The following COL5A3 variants were observed in gnomAD, a reference collection of about 807,000 sequenced individuals.
COL5A3 encodes the protein collagen type V alpha 3 chain.
Under a neutral mutation model 250.0 loss-of-function variants are expected in COL5A3, and 172 were observed. That is an observed-to-expected ratio of 0.69 (90% CI 0.61 to 0.78). The LOEUF (loss-of-function observed/expected upper bound fraction) is 0.78. Among genes scored for constraint, COL5A3 ranks in the 30% least tolerant of loss-of-function variants. The probability of loss-of-function intolerance (pLI) is 0.00; values close to 1 mark genes in which losing one functional copy is unlikely to be tolerated. For synonymous variants in COL5A3, 937 were observed against 900.4 expected (o/e 1.04, Z -0.73); for missense variants, 2,340 against 2,334.4 (o/e 1.00, Z -0.05).
chr19:9,998,188 T>A (rs73007110), intron 8 of COL5A3, 39 bp from the exon 9 acceptor site: 119,109 of 1,582,712 alleles, frequency 0.075, 6,581 homozygotes, highest in African/African-American at 0.28. Flanking sequence ...AAAAGAGATG[T>A]GAACTTGGAC....
At chr19:9,961,833 C>T (rs1360509008) in intron 65 of COL5A3, among the ~76,000 whole-genome samples, 1 of 152,118 alleles carries the variant, frequency 6.6e-6, no homozygotes, top group Non-Finnish European at 1.5e-5. Context: ...GCTGGGATTA[C>T]AGGCGTGAGC....
intron 6 of COL5A3, among the ~76,000 whole-genome samples, chr19:10,002,916 G>T (rs2087385674): frequency 6.6e-6 from 1 of 151,802 alleles, no homozygotes; most frequent in Non-Finnish European, 1.5e-5. Flanking sequence ...TCCAGTCAGT[G>T]ACCACCCACC....
chr19:10,006,035 C>A (rs1599232321), intron 2 of COL5A3, 38 bp downstream of exon 2: 1 of 1,610,976 alleles, frequency 6.2e-7, no homozygotes, highest in South Asian at 1.1e-5. Flanking sequence ...GCAGTGCCTC[C>A]CTCCGGGGAG....
At chr19:9,982,237 T>G in intron 31 of COL5A3, 119 bp from the exon 32 acceptor site, 1 of 662,054 alleles carries the variant, frequency 1.5e-6, no homozygotes, top group Non-Finnish European at 2.6e-6. Flanking sequence ...GCTTCCTTGG[T>G]CTCTACAGCC....
At chr19:9,994,888 C>A (rs138294203) in intron 16 of COL5A3, among the ~76,000 whole-genome samples, 108 of 151,826 alleles carry the variant, frequency 7.1e-4, no homozygotes, top group African/African-American at 2.5e-3. Context: ...GTATTATAAT[C>A]TCATGGGACC....
chr19:9,980,434 T>C (rs566955224), intron 35 of COL5A3, among the ~76,000 whole-genome samples: 1 of 152,210 alleles, frequency 6.6e-6, no homozygotes, highest in East Asian at 1.9e-4. Context: ...TGTGATTAGC[T>C]CACTTCAGCT....
intron 31 of COL5A3, among the ~76,000 whole-genome samples, chr19:9,983,124 G>C (rs976060539): frequency 6.6e-6 from 1 of 152,010 alleles, no homozygotes; most frequent in Non-Finnish European, 1.5e-5. Flanking sequence ...GCCTCTGAAA[G>C]TGCTGAGATT....
chr19:9,968,783 T>C lies in COL5A3; in HGVS notation c.4153-55A>G. On this transcript the variant is annotated intron_variant, in intron 57 of 66. Coordinates refer to ENST00000264828, the MANE Select transcript of COL5A3 (RefSeq NM_015719.4). The surrounding 1 kb of genome is among the most constrained non-coding windows in gnomAD (Gnocchi z 4.1). Reference sequence around the variant, plus strand: ...TTCTCAAATGTGAACTCGAGGTCTGTGTGGGTGGTTAGGGGATGGTCAAAT... The same window carrying C: ...TTCTCAAATGTGAACTCGAGGTCTGCGTGGGTGGTTAGGGGATGGTCAAAT... The C allele has an allele frequency of 6.7e-7, 1 of 1,495,248 alleles. No homozygotes were observed. Among genetic ancestry groups the C allele is most frequent in the Non-Finnish European group, 9.2e-7 (1 of 1,087,366 alleles). 92.6% of individuals were successfully genotyped at this position (1,495,248 alleles called of 1,614,324 possible).
At position 9,997,431 on chromosome 19, in the gene COL5A3, C is replaced by A; in HGVS notation, c.1203G>T (p.Gly401=). The change falls in exon 11 of 67, where the codon GGG becomes GGT. Residue 401 remains glycine (G), a splice_region_variant and synonymous_variant. Transcript: ENST00000264828. ...CGGGAGGGCCTGAGGGGCCAACCACCCCCTGTTGGGGACAGAGAAACAGGA... is the reference window on the plus strand; with the variant it reads ...CGGGAGGGCCTGAGGGGCCAACCACACCCTGTTGGGGACAGAGAAACAGGA... The part of the protein sequence containing the change: ...EGPPGAPGPQ[G]VVGPSGPPGP... 6.2e-7 allele frequency: 1 copy of A among 1,604,138 alleles called. No individual in the cohort carries two copies. The highest frequency in any genetic ancestry group is 8.5e-7 in the Non-Finnish European group (1 of 1,175,754).
At chr19:9,971,440 A>G (rs1010179235) in intron 51 of COL5A3, among the ~76,000 whole-genome samples, 182 bp from the exon 52 acceptor site, 13 of 152,188 alleles carry the variant, frequency 8.5e-5, no homozygotes, top group Admixed American at 7.2e-4. Context: ...ACGCTGAGCT[A>G]AGAATGCCGC....
intron 26 of COL5A3, 25 bp downstream of exon 26, chr19:9,989,297 C>G (rs751434256): frequency 6.2e-7 from 1 of 1,614,178 alleles, no homozygotes; most frequent in Non-Finnish European, 8.5e-7. Flanking sequence ...CGTCCCCAAC[C>G]CAGCCTAACC....
Position 10,003,634 on chromosome 19 carries a change from C to G in COL5A3, c.780G>C (p.Lys260Asn). 1 of 1,614,086 alleles carries G rather than the reference C, an allele frequency of 6.2e-7. No individual in the cohort carries two copies. The highest frequency in any genetic ancestry group is 2.2e-5 in the East Asian group (1 of 44,898). The change falls in exon 6 of 67, where the codon AAG (lysine) becomes AAC (asparagine). Residue 260 changes from lysine (K) to asparagine (N), a missense_variant. Transcript: ENST00000264828. Reference protein sequence around the residue: ...GKGRKKGRGRKGKGRKKNKEI... With the variant: ...GKGRKKGRGRNGKGRKKNKEI... ...CCTTGTTCTTTTTCCTGCCCTTCCC[C>G]TTGCGACCTCGCCCTTTCTTCCTCC...
Position 9,997,386 on chromosome 19 carries a change from G to T in COL5A3, c.1248C>A (p.Gly416=), listed in dbSNP as rs779854888. The part of the protein sequence containing the change: ...SGPPGPPGFP[G]DPGPPGPAGL... ...AGTCTCTTACCGGTGGACCAGGGTC[G>T]CCAGGGAATCCTGGGGGGCCGGGAG... Residue 416 remains glycine, a synonymous_variant, in exon 11 of 67, where the codon GGC becomes GGA. Transcript: ENST00000264828. The T allele has an allele frequency of 1.2e-6, 2 of 1,609,280 alleles. No individual in the cohort carries two copies. The highest frequency in any genetic ancestry group is 1.3e-5 in the African/African-American group (1 of 74,824).
At position 9,969,390 on chromosome 19, in the gene COL5A3, G is replaced by T; in HGVS notation, c.4111C>A (p.Leu1371Ile). The T allele has an allele frequency of 6.2e-7, 1 of 1,607,356 alleles. No homozygotes were observed. Among genetic ancestry groups the T allele is most frequent in the Non-Finnish European group, 8.5e-7 (1 of 1,177,492 alleles). Residue 1371 changes from leucine (L) to isoleucine (I), a missense_variant, in exon 57 of 67, where the codon CTC (leucine) becomes ATC (isoleucine). Coordinates refer to ENST00000264828, the MANE Select transcript of COL5A3 (RefSeq NM_015719.4). ...CCCATCTGTCCAGGGGCTCCCAGGA[G>T]GCCTGGTTCACCCTGAGAATGGAAC... ...GIPGPVGEPG[L>I]LGAPGQMGPP...
chr19:9,973,438 T>C lies in COL5A3; in HGVS notation c.3666+132A>G, dbSNP rs549921000. The C allele has an allele frequency of 1.9e-5, 17 of 895,744 alleles. No individual in the cohort carries two copies. In the East Asian group the frequency reaches 4.1e-4, roughly 22 times the overall value. 55.5% of individuals were successfully genotyped at this position (895,744 alleles called of 1,614,324 possible). A position where few individuals can be genotyped will look rare whatever the true frequency, so the allele number is the denominator to read the frequency against. ...AACTTCCAGGTGTCCTTCCTCAAGG[T>C]AATCAGGGACGGCCACAGGACAGGG... On this transcript the variant is annotated intron_variant, in intron 50 of 66. Transcript: ENST00000264828.
At position 9,960,366 on chromosome 19, in the gene COL5A3, C is replaced by G. The variant is rs200938535; in HGVS notation, c.*45G>C. ...CTTCAAAGCCTCAGCACCAAATGCACCCCATTCTGGGGCTCCCTCATGGTC... is the reference window on the plus strand; with the variant it reads ...CTTCAAAGCCTCAGCACCAAATGCAGCCCATTCTGGGGCTCCCTCATGGTC... On this transcript the variant is annotated 3_prime_UTR_variant, in exon 67 of 67. Transcript: ENST00000264828. 1.7e-4 allele frequency: 266 copies of G among 1,611,466 alleles called. 1 individual carries two copies. In the African/African-American group the frequency reaches 3.0e-3, roughly 18 times the overall value.
At chr19:10,006,852 G>T (rs771053711) in intron 1 of COL5A3, among the ~76,000 whole-genome samples, 6 of 151,546 alleles carry the variant, frequency 4.0e-5, no homozygotes, top group Non-Finnish European at 7.4e-5. Flanking sequence ...TATTCCCTCT[G>T]ATCTCCTTTT....
Position 9,989,310 on chromosome 19 carries a change from C to T in COL5A3, c.2091+12G>A, listed in dbSNP as rs1178170115. On this transcript the variant is annotated intron_variant, in intron 26 of 66. Coordinates refer to ENST00000264828, the MANE Select transcript of COL5A3 (RefSeq NM_015719.4). ...CTCGTCCCCAACCCAGCCTAACCTC[C>T]TGGTCACTCACCTGAGCCCCTTTCT... The T allele has an allele frequency of 6.2e-7, 1 of 1,614,234 alleles. No individual in the cohort carries two copies. The highest frequency in any genetic ancestry group is 2.2e-5 in the East Asian group (1 of 44,892).
rs189617666 is a variant in COL5A3 at position 9,961,689 on chromosome 19, A to G, written c.4852-799T>C. ...TTCTCCTGCCTCAGCCTCCCAAGTA[A>G]CTGGGACTACGGGCGCCTGCCACCA... On this transcript the variant is annotated intron_variant, in intron 65 of 66. Coordinates refer to ENST00000264828, the MANE Select transcript of COL5A3 (RefSeq NM_015719.4). 3.3e-3 allele frequency among the ~76,000 whole-genome samples: 498 copies of G among 151,460 alleles called. 1 individual carries two copies. The highest frequency in any genetic ancestry group is 0.01 in the Middle Eastern group (3 of 294).
Sources: allele counts gnomAD v4.1 joint callset (sites outside exome capture counted in the v4.1 genomes callset), GRCh38; gene constraint gnomAD v4.1.1; non-coding constraint Gnocchi (gnomAD v3.1); transcripts MANE v1.5; gene names NCBI Gene and HGNC (gene_info 2026-07-23, HGNC 2026-07-21).